Variants in CPQ observed in about 807,000 individuals in gnomAD.
CPQ encodes carboxypeptidase Q, also known as Ser-Met dipeptidase.
CPQ carries 37 observed loss-of-function variants against 45.7 expected under a neutral mutation model. The observed-to-expected ratio is 0.81, with a 90% confidence interval of 0.62 to 1.07. The LOEUF (loss-of-function observed/expected upper bound fraction) is 1.07, where lower values mean the gene tolerates loss of function less well. Among genes scored for constraint, CPQ ranks in the 50% least tolerant of loss-of-function variants. The probability of loss-of-function intolerance (pLI) is 0.00; values close to 1 mark genes in which losing one functional copy is unlikely to be tolerated. For missense variants in CPQ, 537 were observed against 572.9 expected (o/e 0.94, Z 0.64); for synonymous variants, 186 against 205.8 (o/e 0.90, Z 0.82).
chr8:96,905,810 A>G (rs1362074648), intron 4 of CPQ, among the ~76,000 whole-genome samples: 8 of 151,334 alleles, frequency 5.3e-5, no homozygotes. Context: ...TGGAGATATT[A>G]CTTGAGTTCC....
At position 96,708,561 on chromosome 8, in the gene CPQ, GAT is replaced by G. The variant is rs1056835924; in HGVS notation, c.-35+63162_-35+63163del. 5.3e-4 allele frequency among the ~76,000 whole-genome samples: 81 copies of G among 151,948 alleles called. 1 individual carries two copies. Among genetic ancestry groups the G allele is most frequent in the African/African-American group, 1.9e-3 (80 of 41,466 alleles). ...CTTAATTTTAAAAGAGGACTGATAT[GAT>G]ATCTGCTCCAATCTTCTATCCCTTG... On this transcript the variant is annotated intron_variant, in intron 1 of 7. Transcript: ENST00000220763.
chr8:97,086,795 TA>T (rs1811048069), intron 7 of CPQ, among the ~76,000 whole-genome samples: 1 of 152,220 alleles, frequency 6.6e-6, no homozygotes, highest in Admixed American at 6.5e-5. Flanking sequence ...CATCTTACGT[TA>T]AGTAAGTATG....
chr8:97,058,859 A>T (rs1377805547), intron 6 of CPQ, among the ~76,000 whole-genome samples: 3 of 152,196 alleles, frequency 2.0e-5, no homozygotes, highest in Non-Finnish European at 4.4e-5. Context: ...TGAAATAGAT[A>T]TCAATTTGCT....
intron 5 of CPQ, among the ~76,000 whole-genome samples, chr8:96,975,004 G>A (rs914952890): frequency 3.3e-5 from 5 of 151,618 alleles, no homozygotes; most frequent in Admixed American, 6.6e-5. Context: ...AGAAAATGAC[G>A]AAGATCAGAG....
chr8:96,865,574 G>T (rs982571094), intron 3 of CPQ, among the ~76,000 whole-genome samples: 3 of 151,984 alleles, frequency 2.0e-5, no homozygotes, highest in Non-Finnish European at 2.9e-5. Context: ...ACTTTGGAGG[G>T]GTTGCAACAC....
rs141230162 is a variant in CPQ, at chr8:96,665,065, G to A, written c.-35+19663G>A. Among the ~76,000 whole-genome samples, 10 of 152,264 alleles carry A rather than the reference G, an allele frequency of 6.6e-5. No homozygotes were observed. The East Asian group carries it at 1.4e-3, about 21-fold the overall frequency. ...TTTGAAGGAGGTAAGCAGAGGGTCC[G>A]AGGAAACAATAGAAGAGGACATTCA... On this transcript the variant is annotated intron_variant, in intron 1 of 7. Transcript: ENST00000220763.
rs536323797 is a variant in CPQ, at chr8:96,918,600, A to G, written c.849+38595A>G. ...TGAGTGTATTTATGCATAGCTAGGA[A>G]TAGGGCTGCTGGTGTCTGGGAACTG... On this transcript the variant is annotated intron_variant, in intron 4 of 7. Transcript: ENST00000220763. Among the ~76,000 whole-genome samples the G allele has an allele frequency of 3.3e-5, 5 of 152,206 alleles. No homozygotes were observed. In the East Asian group the frequency reaches 9.7e-4, roughly 29 times the overall value.
intron 1 of CPQ, among the ~76,000 whole-genome samples, chr8:96,771,289 C>T (rs1443323042): frequency 6.6e-6 from 1 of 151,750 alleles, no homozygotes; most frequent in Non-Finnish European, 1.5e-5. Context: ...CCCATTGGAA[C>T]ATCTCTACAA....
intron 1 of CPQ, among the ~76,000 whole-genome samples, chr8:96,691,654 TAAAAC>T (rs1554556584): frequency 3.3e-5 from 5 of 152,150 alleles, no homozygotes; most frequent in African/African-American, 1.2e-4. Context: ...TAATATAAGT[TAAAAC>T]AAAAAATAAA....
intron 1 of CPQ, among the ~76,000 whole-genome samples, chr8:96,765,521 G>T (rs1409830833): frequency 2.0e-5 from 3 of 151,828 alleles, no homozygotes; most frequent in Non-Finnish European, 4.4e-5. Context: ...AAAACCTATA[G>T]TCAGACATAA....
chr8:96,719,390 G>A (rs1322438094), intron 1 of CPQ, among the ~76,000 whole-genome samples: 2 of 152,224 alleles, frequency 1.3e-5, no homozygotes, highest in South Asian at 2.1e-4. Flanking sequence ...GTGCGGGCCC[G>A]CCAAGCCCAC....
chr8:97,028,484 C>T (rs941054030), intron 5 of CPQ, among the ~76,000 whole-genome samples: 1 of 152,218 alleles, frequency 6.6e-6, no homozygotes, highest in African/African-American at 2.4e-5. Context: ...AACGAATCCT[C>T]TTAATAAGAT....
chr8:96,743,125 G>C (rs1314268559), intron 1 of CPQ, among the ~76,000 whole-genome samples: 3 of 152,134 alleles, frequency 2.0e-5, no homozygotes, highest in African/African-American at 7.2e-5. Flanking sequence ...ATCAGACGTA[G>C]ATTTGGTCTT....
chr8:96,846,504 A>G (rs891673546), intron 3 of CPQ, among the ~76,000 whole-genome samples: 4 of 152,032 alleles, frequency 2.6e-5, no homozygotes, highest in African/African-American at 9.7e-5. Context: ...TTGAAGTCTA[A>G]TTTATCCACT....
intron 1 of CPQ, among the ~76,000 whole-genome samples, chr8:96,692,858 C>A (rs920386719): frequency 1.3e-5 from 2 of 152,056 alleles, no homozygotes; most frequent in African/African-American, 4.8e-5. Flanking sequence ...CAATAAGGTG[C>A]CAGGGACCAA....
chr8:96,693,278 G>A lies in CPQ; in HGVS notation c.-35+47876G>A, dbSNP rs559331800. On this transcript the variant is annotated intron_variant, in intron 1 of 7. Coordinates refer to ENST00000220763, the MANE Select transcript of CPQ (RefSeq NM_016134.4). ...GGGAGGGGGGAGAGAGGGAGAGAGA[G>A]AGAGTAGGGTAGAAAGTTCATTGAA... Among the ~76,000 whole-genome samples the A allele has an allele frequency of 6.6e-5, 10 of 152,050 alleles. No homozygotes were observed. In the East Asian group the frequency reaches 1.4e-3, roughly 21 times the overall value.
intron 5 of CPQ, among the ~76,000 whole-genome samples, chr8:96,998,347 A>G (rs1809210559): frequency 6.6e-6 from 1 of 151,980 alleles, no homozygotes; most frequent in African/African-American, 2.4e-5. Flanking sequence ...AAAAATCTAA[A>G]TAAAAGGAAT....
intron 6 of CPQ, among the ~76,000 whole-genome samples, chr8:97,045,392 C>A (rs1810228617): frequency 6.6e-6 from 1 of 152,188 alleles, no homozygotes; most frequent in African/African-American, 2.4e-5. Context: ...CCGTCTGTCA[C>A]CCCTTTCTTT....
chr8:96,960,946 C>T (rs1317008590), intron 4 of CPQ, among the ~76,000 whole-genome samples: 1 of 152,028 alleles, frequency 6.6e-6, no homozygotes, highest in East Asian at 1.9e-4. Context: ...CACAATGTAT[C>T]GATTCTACTG....
Sources: allele counts gnomAD v4.1 joint callset (sites outside exome capture counted in the v4.1 genomes callset), GRCh38; gene constraint gnomAD v4.1.1; transcripts MANE v1.5; gene names NCBI Gene and HGNC (gene_info 2026-07-23, HGNC 2026-07-21).